The following NR2C1 variants were observed in gnomAD, a reference collection of about 807,000 sequenced individuals.
The protein encoded by NR2C1 is TR2 nuclear hormone receptor.
Under a neutral mutation model 74.8 loss-of-function variants are expected in NR2C1, and 33 were observed. The observed-to-expected ratio is 0.44, with a 90% CI of 0.33 to 0.59. The LOEUF (loss-of-function observed/expected upper bound fraction) is 0.59. Among genes scored for constraint, NR2C1 ranks in the 20% least tolerant of loss-of-function variants. The pLI, the probability that NR2C1 is intolerant of heterozygous loss-of-function variation, is 0.02. For missense variants in NR2C1, 568 were observed against 715.6 expected, an observed-to-expected ratio of 0.79 and a Z score of 2.35; for synonymous variants, 225 against 240.6, an observed-to-expected ratio of 0.94 and a Z score of 0.60.
Position 95,020,858 on chromosome 12 carries a change from G to A in NR2C1, c.*1371C>T, listed in dbSNP as rs1592713576. On this transcript the variant is annotated 3_prime_UTR_variant, in exon 14 of 14. Transcript: ENST00000333003. ...TGTTGTAGCAGTAACAAGGCTTCAGGCTGATTCTTATACTGTTGTTAAAGC... is the reference window on the plus strand; with the variant it reads ...TGTTGTAGCAGTAACAAGGCTTCAGACTGATTCTTATACTGTTGTTAAAGC... The A allele has an allele frequency of 3.3e-5, 5 of 152,256 alleles. No individual in the cohort carries two copies. The highest frequency in any genetic ancestry group is 3.3e-4 in the Admixed American group (5 of 15,284). The allele number at this position is 152,256 out of a possible 1,614,324, so 9.4% of individuals were successfully genotyped here.
rs1869642982 is a variant in NR2C1, at chr12:95,028,435, C to T, written c.1483G>A (p.Asp495Asn). 1 of 1,609,586 alleles carries T rather than the reference C, an allele frequency of 6.2e-7. No individual in the cohort carries two copies. Reference protein sequence around the residue: ...FCNSMVKLCIDGYEYAYLKAI... With the variant: ...FCNSMVKLCINGYEYAYLKAI... ...TTCAGGTAGGCATATTCGTATCCAT[C>T]AATGCAGAGTTTAACCATGCTGTTA... The change falls in exon 12 of 14, where the codon GAT (aspartate) becomes AAT (asparagine). Residue 495 changes from aspartate (D) to asparagine (N), a missense_variant. Around this residue, in one of 6 missense-constraint regions of NR2C1, gnomAD observed 117 missense variants for 186.7 expected, o/e 0.63. Coordinates refer to ENST00000333003, the MANE Select transcript of NR2C1 (RefSeq NM_003297.4).
intron 7 of NR2C1, among the ~76,000 whole-genome samples, chr12:95,057,058 T>C (rs554712259): frequency 2.2e-4 from 34 of 151,832 alleles, no homozygotes; most frequent in Non-Finnish European, 3.7e-4. Flanking sequence ...GCTTTCATGT[T>C]GAAGGGATAA....
intron 12 of NR2C1, 108 bp from the exon 13 acceptor site, chr12:95,025,363 A>C: frequency 1.6e-6 from 1 of 617,752 alleles, no homozygotes. Flanking sequence ...CCCCATCATA[A>C]AATGTGTGGC....
chr12:95,067,277 G>T, intron 2 of NR2C1, 54 bp downstream of exon 2: 1 of 1,384,416 alleles, frequency 7.2e-7, no homozygotes, highest in Non-Finnish European at 1.0e-6. Context: ...TATGCATTTA[G>T]TAGGAATTAG....
intron 9 of NR2C1, among the ~76,000 whole-genome samples, chr12:95,046,862 C>T (rs1872382265): frequency 6.6e-6 from 1 of 152,070 alleles, no homozygotes; most frequent in African/African-American, 2.4e-5. Context: ...AAACATTTGA[C>T]TTCACAAGGC....
rs374864928 is a variant in NR2C1 at position 95,055,089 on chromosome 12, C to A, written c.783+2464G>T. Among the ~76,000 whole-genome samples, 176 of 152,330 alleles carry A rather than the reference C, an allele frequency of 1.2e-3. 1 individual carries two copies. Among genetic ancestry groups the A allele is most frequent in the East Asian group, 3.7e-3 (19 of 5,188 alleles). ...GGTTGGGGGTAAGGTCACCGATCAACAGGATCCCAAGGCAGAAGAATTTTT... is the reference window on the plus strand; with the variant it reads ...GGTTGGGGGTAAGGTCACCGATCAAAAGGATCCCAAGGCAGAAGAATTTTT... On this transcript the variant is annotated intron_variant, in intron 7 of 13. Coordinates refer to ENST00000333003, the MANE Select transcript of NR2C1 (RefSeq NM_003297.4).
chr12:95,030,720 A>G, intron 11 of NR2C1: 1 of 1,602,516 alleles, frequency 6.2e-7, no homozygotes, highest in South Asian at 1.1e-5. Context: ...GTAGTCCCCA[A>G]TTTATAAATT....
intron 9 of NR2C1, among the ~76,000 whole-genome samples, chr12:95,046,590 A>C (rs1401468079): frequency 6.6e-6 from 1 of 152,184 alleles, no homozygotes; most frequent in Non-Finnish European, 1.5e-5. Flanking sequence ...TATCTCACAA[A>C]GAAAAAAAAA....
intron 1 of NR2C1, among the ~76,000 whole-genome samples, chr12:95,070,655 G>A (rs1313010937): frequency 2.0e-5 from 3 of 152,164 alleles, no homozygotes; most frequent in Admixed American, 6.5e-5. Context: ...CAGACCATCA[G>A]TGCTGCTTTA....
At chr12:95,073,221 C>G (rs1877011338) in intron 1 of NR2C1, among the ~76,000 whole-genome samples, 159 bp downstream of exon 1, 1 of 152,218 alleles carries the variant, frequency 6.6e-6, no homozygotes, top group African/African-American at 2.4e-5. Flanking sequence ...CGAAGTCGAG[C>G]AGCCCCAAGC....
At chr12:95,053,162 T>C (rs1873283610) in intron 7 of NR2C1, among the ~76,000 whole-genome samples, 1 of 151,990 alleles carries the variant, frequency 6.6e-6, no homozygotes, top group Admixed American at 6.5e-5. Flanking sequence ...TTTGTAGAGA[T>C]GGGGTTTCAT....
chr12:95,025,095 G>T, intron 13 of NR2C1, 55 bp downstream of exon 13: 1 of 765,710 alleles, frequency 1.3e-6, no homozygotes, highest in Non-Finnish European at 2.1e-6. Context: ...TGAGATAACA[G>T]ATCCACAAAA....
At chr12:95,060,601 G>A (rs1369159245) in intron 3 of NR2C1, among the ~76,000 whole-genome samples, 2 of 152,226 alleles carry the variant, frequency 1.3e-5, no homozygotes, top group African/African-American at 4.8e-5. Context: ...GTTGCAGTGA[G>A]CCGAGACTGC....
At chr12:95,067,075 CT>C in intron 2 of NR2C1, 1 of 510,316 alleles carries the variant, frequency 2.0e-6, no homozygotes, top group South Asian at 2.6e-5. Context: ...TCTTTAATTT[CT>C]TTCCTTCCTT....
rs1467507472 is a variant in NR2C1, at chr12:95,025,258, G to C, written c.1532-3C>G. ...CATGTTTTCTAGGCTTGGATGATCT[G>C]AAACATTAAAGAAAACATTGGTACC... On this transcript the variant is annotated splice_region_variant and splice_polypyrimidine_tract_variant and intron_variant, in intron 12 of 13. Coordinates refer to ENST00000333003, the MANE Select transcript of NR2C1 (RefSeq NM_003297.4). 1 of 1,514,156 alleles carries C rather than the reference G, an allele frequency of 6.6e-7. No individual in the cohort carries two copies. Among genetic ancestry groups the C allele is most frequent in the Non-Finnish European group, 9.1e-7 (1 of 1,098,358 alleles). 93.8% of individuals were successfully genotyped at this position (1,514,156 alleles called of 1,614,324 possible).
At chr12:95,065,382 G>C (rs1264830860) in intron 2 of NR2C1, among the ~76,000 whole-genome samples, 10 of 151,938 alleles carry the variant, frequency 6.6e-5, no homozygotes. Flanking sequence ...GGGGTTTTCT[G>C]CATGTGAGTT....
intron 4 of NR2C1, among the ~76,000 whole-genome samples, chr12:95,058,822 T>G (rs1227429699): frequency 6.6e-6 from 1 of 151,974 alleles, no homozygotes; most frequent in Non-Finnish European, 1.5e-5. Flanking sequence ...GTAGAGGCAG[T>G]CTTGCCATTT....
chr12:95,068,155 G>A (rs909831122), intron 1 of NR2C1, among the ~76,000 whole-genome samples: 4 of 151,982 alleles, frequency 2.6e-5, no homozygotes, highest in African/African-American at 9.7e-5. Context: ...TGGGATTACA[G>A]GCGTGAGCCA....
At chr12:95,027,709 C>T (rs1161746593) in intron 12 of NR2C1, among the ~76,000 whole-genome samples, 1 of 152,014 alleles carries the variant, frequency 6.6e-6, no homozygotes, top group Non-Finnish European at 1.5e-5. Flanking sequence ...ACACTCCAGC[C>T]TGGGCGACAG....
Sources: gnomAD v4.1 joint callset for allele counts (sites outside exome capture counted in the v4.1 genomes callset) on GRCh38, gnomAD v4.1.1 for gene constraint, gnomAD v4.1.1 regional missense constraint, MANE v1.5 for transcripts, NCBI Gene and HGNC (gene_info 2026-07-23, HGNC 2026-07-21) for gene names.